Variants in AGMO observed in about 807,000 individuals in gnomAD.
The protein encoded by AGMO is glyceryl-ether monooxygenase.
Under a neutral mutation model 60.2 loss-of-function variants are expected in AGMO, and 75 were observed. That is an observed-to-expected ratio of 1.25 (90% CI 1.03 to 1.51). The LOEUF (loss-of-function observed/expected upper bound fraction) is 1.51, where lower values mean the gene tolerates loss of function less well. Ranked by LOEUF, AGMO falls within the 40% of genes most tolerant of loss-of-function variation. The pLI, the probability that AGMO is intolerant of heterozygous loss-of-function variation, is 0.00. For synonymous variants in AGMO, 261 were observed against 177.1 expected (o/e 1.47, Z -3.76); for missense variants, 763 against 525.5 (o/e 1.45, Z -4.42).
chr7:15,459,957 A>G (rs1329932423), intron 3 of AGMO, among the ~76,000 whole-genome samples: 9 of 152,096 alleles, frequency 5.9e-5, no homozygotes, highest in Non-Finnish European at 1.3e-4. Context: ...TTCATTGATA[A>G]TTCATTTACT....
chr7:15,177,598 T>C, the AGMO span, among the ~76,000 whole-genome samples: 1 of 152,164 alleles, frequency 6.6e-6, no homozygotes, highest in Admixed American at 6.6e-5. Flanking sequence ...CTCTTTTTCC[T>C]CTACTTCAGA....
intron 3 of AGMO, among the ~76,000 whole-genome samples, chr7:15,544,285 T>G (rs1369685461): frequency 6.6e-6 from 1 of 152,018 alleles, no homozygotes; most frequent in Admixed American, 6.6e-5. Flanking sequence ...GCTCGGGTGA[T>G]AGGTGCACCA....
the AGMO span, among the ~76,000 whole-genome samples, chr7:15,158,003 G>C: frequency 1.3e-5 from 2 of 152,072 alleles, no homozygotes; most frequent in South Asian, 2.1e-4. Flanking sequence ...ATTTTCAGGG[G>C]CTCTAGGCAC....
At chr7:15,146,533 A>G in the AGMO span, among the ~76,000 whole-genome samples, 1 of 151,580 alleles carries the variant, frequency 6.6e-6, no homozygotes, top group Non-Finnish European at 1.5e-5. Context: ...TTTTTTGGTC[A>G]AAGTACCAAA....
chr7:15,295,318 G>C (rs1035208821), intron 12 of AGMO, among the ~76,000 whole-genome samples: 1 of 151,962 alleles, frequency 6.6e-6, no homozygotes, highest in Non-Finnish European at 1.5e-5. Context: ...TATTTATTGA[G>C]CACAAACTAT....
In AGMO at chr7:15,530,778, T is replaced by TAGATATTCTATATATACATTTCTATATAG. The variant is rs369555646; in HGVS notation, c.409+13993_409+13994insCTATATAGAAATGTATATATAGAATATCT. Among the ~76,000 whole-genome samples, 518 of 87,982 alleles carry TAGATATTCTATATATACATTTCTATATAG rather than the reference T, an allele frequency of 5.9e-3. 184 individuals are homozygous for TAGATATTCTATATATACATTTCTATATAG. The highest frequency in any genetic ancestry group is 9.2e-3 in the Non-Finnish European group (427 of 46,372). The allele number at this position is 87,982 out of a possible 152,430, so 57.7% of individuals were successfully genotyped here. On this transcript the variant is annotated intron_variant, in intron 3 of 12. Transcript: ENST00000342526. Reference sequence around the variant, plus strand: ...GATATTCTATATATACATTTCTATATATATTCTATATATACATTTCTCTAT... The same window carrying TAGATATTCTATATATACATTTCTATATAG: ...GATATTCTATATATACATTTCTATATAGATATTCTATATATACATTTCTATATAGATATTCTATATATACATTTCTCTAT...
intron 12 of AGMO, among the ~76,000 whole-genome samples, chr7:15,327,618 G>T (rs1281450662): frequency 6.6e-6 from 1 of 151,606 alleles, no homozygotes; most frequent in African/African-American, 2.4e-5. Flanking sequence ...AGTGATATGG[G>T]AACTATAAAC....
chr7:15,360,899 T>G (rs1212427750), intron 12 of AGMO, among the ~76,000 whole-genome samples: 1 of 151,748 alleles, frequency 6.6e-6, no homozygotes, highest in Non-Finnish European at 1.5e-5. Flanking sequence ...TAAAATCAGG[T>G]TATGATCCTC....
chr7:15,434,827 ATAAT>A (rs1342073266), intron 3 of AGMO, among the ~76,000 whole-genome samples: 1 of 152,110 alleles, frequency 6.6e-6, no homozygotes, highest in Non-Finnish European at 1.5e-5. Flanking sequence ...CAAGCAATAG[ATAAT>A]TAATGCAGTC....
chr7:15,442,831 T>A (rs1781595900), intron 3 of AGMO, among the ~76,000 whole-genome samples: 1 of 152,056 alleles, frequency 6.6e-6, no homozygotes, highest in Non-Finnish European at 1.5e-5. Context: ...CACAAGCAGC[T>A]GGACATCGAG....
At chr7:15,368,779 A>T (rs552262471) in intron 10 of AGMO, among the ~76,000 whole-genome samples, 83 of 152,136 alleles carry the variant, frequency 5.5e-4, no homozygotes, top group Non-Finnish European at 1.0e-3. Flanking sequence ...CACAGATGAA[A>T]TAAGTACATG....
intron 12 of AGMO, among the ~76,000 whole-genome samples, chr7:15,362,566 T>C (rs532479753): frequency 1.2e-4 from 18 of 152,324 alleles, no homozygotes; most frequent in South Asian, 4.1e-4. Flanking sequence ...AATACTGTTT[T>C]AACATTTTAA....
chr7:15,174,570 G>T, the AGMO span, among the ~76,000 whole-genome samples: 1 of 152,048 alleles, frequency 6.6e-6, no homozygotes, highest in African/African-American at 2.4e-5. Context: ...TGTTTTACCA[G>T]ATAGGAGCGT....
intron 2 of AGMO, among the ~76,000 whole-genome samples, chr7:15,559,235 G>T (rs1340239150): frequency 6.6e-6 from 1 of 152,034 alleles, no homozygotes; most frequent in Non-Finnish European, 1.5e-5. Flanking sequence ...CCAGGCACAG[G>T]AGCTAAAACT....
rs1781581587 is a variant in AGMO, at chr7:15,334,209, A to T, written c.1263+31305T>A. Among the ~76,000 whole-genome samples the T allele has an allele frequency of 2.6e-5, 4 of 152,246 alleles. No homozygotes were observed. In the South Asian group the frequency reaches 8.3e-4, roughly 32 times the overall value. On this transcript the variant is annotated intron_variant, in intron 12 of 12. Transcript: ENST00000342526. The stretch of plus-strand genomic sequence containing the variant: ...TCACAAAGCAAATTTGAAATGCTAA[A>T]CATCATATTGAAATGACATATAGAA...
intron 2 of AGMO, 129 bp downstream of exon 2, chr7:15,560,012 T>C (rs1785259480): frequency 1.2e-6 from 1 of 848,102 alleles, no homozygotes. Context: ...TTTTAAATAA[T>C]GACATGAACT....
At chr7:15,425,053 A>G (rs1314362145) in intron 4 of AGMO, among the ~76,000 whole-genome samples, 1 of 152,218 alleles carries the variant, frequency 6.6e-6, no homozygotes. Context: ...ATCACACATA[A>G]GAATCATACT....
At chr7:15,299,036 G>A (rs963628805) in intron 12 of AGMO, among the ~76,000 whole-genome samples, 1 of 151,982 alleles carries the variant, frequency 6.6e-6, no homozygotes, top group Admixed American at 6.6e-5. Flanking sequence ...CTCAGCTCAA[G>A]TGTTACCTCT....
chr7:15,354,488 ACACACGTG>A lies in AGMO; in HGVS notation c.1263+11018_1263+11025del, dbSNP rs1342393601. On this transcript the variant is annotated intron_variant, in intron 12 of 12. Coordinates refer to ENST00000342526, the MANE Select transcript of AGMO (RefSeq NM_001004320.2). ...TGTGTGTATACACACGTGTGTATAT[ACACACGTG>A]TATATATATATATATATATATATAT... Among the ~76,000 whole-genome samples the A allele has an allele frequency of 2.5e-3, 43 of 17,126 alleles. 2 individuals carry two copies. The highest frequency in any genetic ancestry group is 3.1e-3 in the Non-Finnish European group (31 of 10,050). 11.2% of individuals were successfully genotyped at this position (17,126 alleles called of 152,430 possible).
Sources: gnomAD v4.1 joint callset for allele counts (sites outside exome capture counted in the v4.1 genomes callset) on GRCh38, gnomAD v4.1.1 for gene constraint, MANE v1.5 for transcripts, NCBI Gene and HGNC (gene_info 2026-07-23, HGNC 2026-07-21) for gene names.